The following CASK variants were observed in gnomAD, a reference collection of about 807,000 sequenced individuals.
CASK encodes the protein peripheral plasma membrane protein CASK.
A neutral mutation model predicts 82.9 loss-of-function variants in CASK; 4 were observed. The observed-to-expected ratio is 0.05, with a 90% CI of 0.02 to 0.11. The LOEUF (loss-of-function observed/expected upper bound fraction) is 0.11. Among genes scored for constraint, CASK ranks in the 10% least tolerant of loss-of-function variants. CASK has a pLI of 1.00. For synonymous variants in CASK, 259 were observed against 253.5 expected, an observed-to-expected ratio of 1.02 and a Z score of -0.20; for missense variants, 358 against 720.9, an observed-to-expected ratio of 0.50 and a Z score of 5.76.
intron 9 of CASK, among the ~76,000 whole-genome samples, chrX:41,634,449 G>A (rs948645115): frequency 8.9e-6 from 1 of 112,826 alleles, no homozygotes; most frequent in Non-Finnish European, 1.9e-5. Flanking sequence ...GCAAGGGGAT[G>A]TGGTAAATCC....
Position 41,534,686 on chromosome X carries a change from G to A in CASK, c.2317+20C>T, listed in dbSNP as rs749939463. On this transcript the variant is annotated intron_variant, in intron 24 of 26. Transcript: ENST00000378163. ...AGTGATAGGAAAAATATAATGAAAA[G>A]AGATTGAGACATTGCTTACGTGGAA... The A allele has an allele frequency of 2.6e-6, 3 of 1,138,981 alleles. No homozygotes were observed. Among genetic ancestry groups the A allele is most frequent in the Non-Finnish European group, 3.6e-6 (3 of 831,150 alleles). The allele number at this position is 1,138,981 out of a possible 1,213,427, so 93.9% of individuals were successfully genotyped here.
intron 1 of CASK, among the ~76,000 whole-genome samples, chrX:41,898,774 G>A (rs1465929663): frequency 9.0e-6 from 1 of 111,613 alleles, no homozygotes; most frequent in African/African-American, 3.2e-5. Context: ...TCATACCACT[G>A]TGGTCAGAAA....
At chrX:41,839,530 C>CT (rs374371422) in intron 2 of CASK, among the ~76,000 whole-genome samples, 4,967 of 96,628 alleles carry the variant, frequency 0.051, 124 homozygotes, top group South Asian at 0.074. Flanking sequence ...TTCTAGGAGT[C>CT]TTTTTTTTTT....
intron 8 of CASK, among the ~76,000 whole-genome samples, chrX:41,659,836 C>CA (rs1412418701): frequency 9.1e-6 from 1 of 109,377 alleles, no homozygotes. Context: ...CCCATCTCTA[C>CA]AAAAAATACA....
chrX:41,881,075 A>G (rs888523562), intron 1 of CASK, among the ~76,000 whole-genome samples: 1 of 111,662 alleles, frequency 9.0e-6, no homozygotes, highest in Admixed American at 9.5e-5. Flanking sequence ...CTTTGTGTAA[A>G]CTTTGTACAA....
intron 16 of CASK, among the ~76,000 whole-genome samples, chrX:41,563,356 C>CAAAAAAA (rs746081703): frequency 6.6e-5 from 1 of 15,125 alleles, no homozygotes; most frequent in African/African-American, 2.8e-4. Flanking sequence ...GACCCTGTCT[C>CAAAAAAA]AAAAAAAAAA....
chrX:41,683,621 A>G (rs1210642536), intron 5 of CASK, among the ~76,000 whole-genome samples: 1 of 111,896 alleles, frequency 8.9e-6, no homozygotes, highest in African/African-American at 3.3e-5. Context: ...AACACAAAAT[A>G]TGTGTTAATC....
At chrX:41,707,082 T>C (rs753151663) in intron 5 of CASK, among the ~76,000 whole-genome samples, 2 of 112,021 alleles carry the variant, frequency 1.8e-5, no homozygotes, top group Non-Finnish European at 3.8e-5. Flanking sequence ...CAAGGAAATG[T>C]GTTAGATTAA....
chrX:41,816,193 C>T (rs925497364), intron 2 of CASK, among the ~76,000 whole-genome samples: 1 of 111,534 alleles, frequency 9.0e-6, no homozygotes, highest in African/African-American at 3.3e-5. Flanking sequence ...GGATACACTG[C>T]ATAAAGGAAG....
At chrX:41,691,678 G>A (rs1046528028) in intron 5 of CASK, among the ~76,000 whole-genome samples, 1 of 108,113 alleles carries the variant, frequency 9.2e-6, no homozygotes. Context: ...CCAACATAGT[G>A]AAACTCCGTC....
At chrX:41,869,507 G>A (rs1298061576) in intron 1 of CASK, among the ~76,000 whole-genome samples, 11 of 110,584 alleles carry the variant, frequency 9.9e-5, no homozygotes, top group African/African-American at 3.3e-4. Flanking sequence ...AATACATGAG[G>A]TATTGAAACA....
At chrX:41,838,893 T>C (rs2070981120) in intron 2 of CASK, among the ~76,000 whole-genome samples, 1 of 111,880 alleles carries the variant, frequency 8.9e-6, no homozygotes, top group Non-Finnish European at 1.9e-5. Context: ...CCACCACCAT[T>C]TGTAGAAAAA....
chrX:41,613,629 TAAAAAA>T (rs767946526), intron 11 of CASK, among the ~76,000 whole-genome samples: 1 of 49,900 alleles, frequency 2.0e-5, no homozygotes, highest in African/African-American at 7.3e-5. Context: ...AATGATCAAT[TAAAAAA>T]AAAAAAAAAA....
intron 14 of CASK, among the ~76,000 whole-genome samples, chrX:41,582,168 T>C (rs1313907167): frequency 1.8e-5 from 2 of 108,308 alleles, no homozygotes; most frequent in African/African-American, 6.8e-5. Context: ...TAAACTCTTA[T>C]CCCCCCTACA....
chrX:41,559,854 G>T lies in CASK; in HGVS notation c.1669-7C>A, dbSNP rs780719523. The T allele has an allele frequency of 2.3e-5, 27 of 1,196,651 alleles. No homozygotes were observed. In the South Asian group the frequency reaches 3.2e-4, roughly 14 times the overall value. ...TACTCCCCCGCATTTCCCTCTGGAG[G>T]GGGGGTGGTGGGAAAGAAAGAAAAG... On this transcript the variant is annotated splice_region_variant and splice_polypyrimidine_tract_variant and intron_variant, in intron 17 of 26. Coordinates refer to ENST00000378163, the MANE Select transcript of CASK (RefSeq NM_001367721.1).
intron 10 of CASK, among the ~76,000 whole-genome samples, chrX:41,623,474 G>A (rs2066317757): frequency 1.8e-5 from 2 of 111,778 alleles, no homozygotes; most frequent in South Asian, 7.5e-4. Flanking sequence ...CCAGGCTGGA[G>A]TGCAGTGGCA....
At chrX:41,869,072 A>C (rs2071645976) in intron 1 of CASK, among the ~76,000 whole-genome samples, 1 of 111,822 alleles carries the variant, frequency 8.9e-6, no homozygotes, top group African/African-American at 3.3e-5. Context: ...TAAGGTACTT[A>C]AATTTTGCCA....
At chrX:41,705,587 T>C (rs1256339045) in intron 5 of CASK, among the ~76,000 whole-genome samples, 1 of 110,777 alleles carries the variant, frequency 9.0e-6, no homozygotes, top group Non-Finnish European at 1.9e-5. Flanking sequence ...ACATATCTGA[T>C]TCTTGGTTTT....
intron 8 of CASK, among the ~76,000 whole-genome samples, chrX:41,657,486 G>A (rs888712101): frequency 1.8e-5 from 2 of 111,956 alleles, no homozygotes; most frequent in African/African-American, 6.5e-5. Flanking sequence ...TAGTAATGTG[G>A]CAGTGTCTTT....
Sources: allele counts gnomAD v4.1 joint callset (sites outside exome capture counted in the v4.1 genomes callset), GRCh38; gene constraint gnomAD v4.1.1; transcripts MANE v1.5; gene names NCBI Gene and HGNC (gene_info 2026-07-23, HGNC 2026-07-21).